The following RNLS variants were observed in gnomAD, a reference collection of about 807,000 sequenced individuals.
The protein encoded by RNLS is renalase, FAD dependent amine oxidase.
A neutral mutation model predicts 39.8 loss-of-function variants in RNLS; 39 were observed. That is an observed-to-expected ratio of 0.98 (90% CI 0.76 to 1.28). RNLS has a LOEUF of 1.28. Among genes scored for constraint, RNLS ranks in the 50% most tolerant of loss-of-function variants. The probability of loss-of-function intolerance (pLI) is 0.00; values close to 1 mark genes in which losing one functional copy is unlikely to be tolerated. For missense variants in RNLS, 410 were observed against 413.3 expected (o/e 0.99, Z 0.07); for synonymous variants, 147 against 150.7 (o/e 0.98, Z 0.18).
At chr10:88,288,704 T>C (rs1361215405) in intron 6 of RNLS, among the ~76,000 whole-genome samples, 1 of 152,174 alleles carries the variant, frequency 6.6e-6, no homozygotes, top group East Asian at 1.9e-4. Context: ...TGATGAGTGG[T>C]AAATGCCAGA....
At chr10:88,545,604 G>A (rs1330567150) in intron 4 of RNLS, 2 of 381,078 alleles carry the variant, frequency 5.2e-6, no homozygotes, top group Non-Finnish European at 1.1e-5. Context: ...CATGACACGT[G>A]GGGATTATGT....
chr10:88,519,830 A>G (rs927809734), intron 4 of RNLS, among the ~76,000 whole-genome samples: 1 of 150,988 alleles, frequency 6.6e-6, no homozygotes, highest in Non-Finnish European at 1.5e-5. Context: ...TCTGAAACTC[A>G]GTCTCTGAGG....
chr10:88,322,092 AT>A (rs1186469250), intron 5 of RNLS, among the ~76,000 whole-genome samples: 1 of 152,324 alleles, frequency 6.6e-6, no homozygotes, highest in East Asian at 1.9e-4. Context: ...TCAAAAAGAT[AT>A]TTCATCGTGA....
chr10:88,509,819 C>A (rs1846005331), intron 4 of RNLS, among the ~76,000 whole-genome samples: 1 of 151,944 alleles, frequency 6.6e-6, no homozygotes, highest in Admixed American at 6.6e-5. Context: ...TATTAAATAC[C>A]AAAATAAGAT....
At chr10:88,302,673 A>C (rs2132965408) in intron 6 of RNLS, among the ~76,000 whole-genome samples, 1 of 152,370 alleles carries the variant, frequency 6.6e-6, no homozygotes, top group East Asian at 1.9e-4. Flanking sequence ...ATGTTGAAGA[A>C]TATGTGTCAG....
intron 4 of RNLS, among the ~76,000 whole-genome samples, chr10:88,489,934 C>T (rs1053543829): frequency 9.2e-5 from 14 of 152,156 alleles, no homozygotes; most frequent in African/African-American, 3.1e-4. Flanking sequence ...TGTTGAGCAA[C>T]TAGAGATGAG....
At chr10:88,419,862 T>C (rs1414992654) in intron 4 of RNLS, among the ~76,000 whole-genome samples, 2 of 151,924 alleles carry the variant, frequency 1.3e-5, no homozygotes, top group African/African-American at 2.4e-5. Context: ...TACAAAAAAT[T>C]AGCCATGCAT....
chr10:88,255,552 GAAC>G, the RNLS span, among the ~76,000 whole-genome samples: 1 of 152,198 alleles, frequency 6.6e-6, no homozygotes, highest in Non-Finnish European at 1.5e-5. Context: ...AAGGCTTAAT[GAAC>G]AACTAGACGT....
chr10:88,382,634 G>GAAC (rs1406013542), intron 4 of RNLS, among the ~76,000 whole-genome samples: 4 of 152,114 alleles, frequency 2.6e-5, no homozygotes. Context: ...TTTTTGGTGA[G>GAAC]AACAGTTGCT....
intron 6 of RNLS, chr10:88,275,112 G>A (rs1842765027): frequency 9.5e-7 from 1 of 1,056,940 alleles, no homozygotes; most frequent in Non-Finnish European, 1.5e-6. Context: ...ACTAATAGTG[G>A]TTCTTTGCTT....
chr10:88,538,354 C>A (rs1271224355), intron 4 of RNLS, among the ~76,000 whole-genome samples: 1 of 152,096 alleles, frequency 6.6e-6, no homozygotes, highest in African/African-American at 2.4e-5. Flanking sequence ...TCGTCAGAAT[C>A]AAATCCACAA....
At chr10:88,392,908 G>A (rs1009415751) in intron 4 of RNLS, among the ~76,000 whole-genome samples, 6 of 152,058 alleles carry the variant, frequency 3.9e-5, no homozygotes, top group African/African-American at 9.7e-5. Flanking sequence ...ATGTAATCCA[G>A]CATATAAACA....
chr10:88,349,882 T>A (rs1021337710), intron 5 of RNLS, among the ~76,000 whole-genome samples: 4 of 152,062 alleles, frequency 2.6e-5, no homozygotes, highest in Non-Finnish European at 4.4e-5. Flanking sequence ...CAGCTGTTAA[T>A]TAAATTGCTT....
At chr10:88,264,867 T>C in the RNLS span, among the ~76,000 whole-genome samples, 1 of 152,218 alleles carries the variant, frequency 6.6e-6, no homozygotes. Context: ...ATCTTTGTTT[T>C]TGTTGCGATT....
In RNLS at chr10:88,329,656, T is replaced by G. The variant is rs183852450; in HGVS notation, c.701-15015A>C. ...AGGGATATACTAGATATTCTCATTC[T>G]ATCTTCACATATTTTGATCTATTTT... On this transcript the variant is annotated intron_variant, in intron 5 of 6. Coordinates refer to ENST00000331772, the MANE Select transcript of RNLS (RefSeq NM_001031709.3). Among the ~76,000 whole-genome samples the G allele has an allele frequency of 2.9e-3, 437 of 152,270 alleles. 1 individual carries two copies. Among genetic ancestry groups the G allele is most frequent in the African/African-American group, 0.01 (421 of 41,556 alleles).
intron 5 of RNLS, among the ~76,000 whole-genome samples, chr10:88,337,768 T>C (rs1847615870): frequency 6.6e-6 from 1 of 152,230 alleles, no homozygotes; most frequent in Admixed American, 6.5e-5. Flanking sequence ...ACTCCTTTTC[T>C]TGCTTAAGCC....
intron 6 of RNLS, among the ~76,000 whole-genome samples, chr10:88,301,763 A>T (rs1211796817): frequency 6.6e-6 from 1 of 152,344 alleles, no homozygotes; most frequent in East Asian, 1.9e-4. Context: ...TAAGTGTCAT[A>T]GTCCCTGGCA....
chr10:88,451,406 A>G (rs1377033921), intron 4 of RNLS, among the ~76,000 whole-genome samples: 1 of 152,124 alleles, frequency 6.6e-6, no homozygotes, highest in Non-Finnish European at 1.5e-5. Context: ...TTTGTAGCGT[A>G]CGTCTAGAGC....
In RNLS at chr10:88,481,598, C is replaced by T. The variant is rs148534242; in HGVS notation, c.526+91305G>A. On this transcript the variant is annotated intron_variant, in intron 4 of 6. Coordinates refer to ENST00000331772, the MANE Select transcript of RNLS (RefSeq NM_001031709.3). ...CTGCTCATTTGTAGCTCCATCCTCT[C>T]CCCATTTCTTGCAGTATTACTGTCA... 2.2e-3 allele frequency among the ~76,000 whole-genome samples: 332 copies of T among 152,206 alleles called. 1 individual carries two copies. Among genetic ancestry groups the T allele is most frequent in the African/African-American group, 7.7e-3 (318 of 41,540 alleles).
Sources: allele counts gnomAD v4.1 joint callset (sites outside exome capture counted in the v4.1 genomes callset), GRCh38; gene constraint gnomAD v4.1.1; transcripts MANE v1.5; gene names NCBI Gene and HGNC (gene_info 2026-07-23, HGNC 2026-07-21).